The following SPECC1L variants were observed in gnomAD, a reference collection of about 807,000 sequenced individuals.
SPECC1L encodes the protein cytospin-A.
SPECC1L carries 40 observed loss-of-function variants against 116.8 expected under a neutral mutation model. The observed-to-expected ratio is 0.34, with a 90% CI of 0.27 to 0.45. The LOEUF (loss-of-function observed/expected upper bound fraction) is 0.45. Ranked by LOEUF, SPECC1L falls within the 20% of genes least tolerant of loss-of-function variation. The probability of loss-of-function intolerance (pLI) is 1.00; values close to 1 mark genes in which losing one functional copy is unlikely to be tolerated. For missense variants in SPECC1L, 1,110 were observed against 1,373.6 expected, an observed-to-expected ratio of 0.81 and a Z score of 3.03; for synonymous variants, 504 against 500.6, an observed-to-expected ratio of 1.01 and a Z score of -0.09.
chr22:24,291,797 T>G (rs1428021949), intron 2 of SPECC1L, among the ~76,000 whole-genome samples: 1 of 152,168 alleles, frequency 6.6e-6, no homozygotes, highest in Non-Finnish European at 1.5e-5. Flanking sequence ...TTCAGAGAGG[T>G]TAACTTACCC....
chr22:24,310,875 A>G (rs1161702068), intron 3 of SPECC1L, among the ~76,000 whole-genome samples: 1 of 152,152 alleles, frequency 6.6e-6, no homozygotes, highest in East Asian at 1.9e-4. Context: ...AGTCACATCG[A>G]TCAAGTCTTT....
intron 10 of SPECC1L, 27 bp from the exon 11 acceptor site, chr22:24,347,057 CTT>C (rs758005331): frequency 6.4e-7 from 1 of 1,563,648 alleles, no homozygotes; most frequent in East Asian, 2.2e-5. Context: ...GTCATTTTAA[CTT>C]TGATGTTGTT....
chr22:24,287,989 G>A (rs934569906), intron 2 of SPECC1L, among the ~76,000 whole-genome samples: 10 of 152,066 alleles, frequency 6.6e-5, no homozygotes, highest in African/African-American at 2.2e-4. Context: ...ATTTCATTCC[G>A]GGAGATCAGA....
At chr22:24,387,255 G>A (rs1275052229) in intron 14 of SPECC1L, among the ~76,000 whole-genome samples, 6 of 152,228 alleles carry the variant, frequency 3.9e-5, no homozygotes, top group African/African-American at 1.4e-4. Flanking sequence ...GCAGCAGCAT[G>A]GATGAATCTC....
At chr22:24,340,219 G>C (rs1047409892) in intron 10 of SPECC1L, among the ~76,000 whole-genome samples, 1 of 141,488 alleles carries the variant, frequency 7.1e-6, no homozygotes, top group Admixed American at 7.5e-5. Flanking sequence ...CATGATTTCG[G>C]CTCACTGCAA....
At chr22:24,326,254 T>C (rs2040819437) in intron 6 of SPECC1L, among the ~76,000 whole-genome samples, 1 of 152,258 alleles carries the variant, frequency 6.6e-6, no homozygotes, top group Admixed American at 6.5e-5. Context: ...ATGAAATATT[T>C]CTTGCATATA....
intron 3 of SPECC1L, among the ~76,000 whole-genome samples, chr22:24,305,849 C>T (rs1331315484): frequency 3.9e-5 from 6 of 152,024 alleles, no homozygotes; most frequent in Admixed American, 1.3e-4. Flanking sequence ...TAAGCACTCA[C>T]GGATGTATAA....
rs187177754 is a variant in SPECC1L, at chr22:24,384,482, T to C, written c.3087+15162T>C. The stretch of plus-strand genomic sequence containing the variant: ...ACTGCAGTGTAATAAAAATATCTTG[T>C]TTAAAGATATATGTAGCTTGAAAAT... On this transcript the variant is annotated intron_variant, in intron 14 of 16. Coordinates refer to ENST00000314328, the MANE Select transcript of SPECC1L (RefSeq NM_015330.6). Among the ~76,000 whole-genome samples, 69 of 152,336 alleles carry C rather than the reference T, an allele frequency of 4.5e-4. No homozygotes were observed. The East Asian group carries it at 0.013, about 29-fold the overall frequency.
chr22:24,279,708 G>A (rs943678986), intron 2 of SPECC1L, among the ~76,000 whole-genome samples: 2 of 151,920 alleles, frequency 1.3e-5, no homozygotes, highest in African/African-American at 4.8e-5. Context: ...TCAGCCTTCC[G>A]AGTAGCTGGG....
At chr22:24,393,177 G>T (rs1282601462) in intron 14 of SPECC1L, among the ~76,000 whole-genome samples, 1 of 152,256 alleles carries the variant, frequency 6.6e-6, no homozygotes, top group African/African-American at 2.4e-5. Context: ...AAATACTGCT[G>T]TGGTCATTTT....
intron 2 of SPECC1L, among the ~76,000 whole-genome samples, chr22:24,284,637 G>A (rs1386777847): frequency 6.6e-6 from 1 of 151,968 alleles, no homozygotes; most frequent in Non-Finnish European, 1.5e-5. Flanking sequence ...GGATTTCACC[G>A]CGTTAGCCAG....
chr22:24,299,452 A>C (rs2049332078), intron 2 of SPECC1L, among the ~76,000 whole-genome samples: 2 of 152,106 alleles, frequency 1.3e-5, no homozygotes, highest in Admixed American at 1.3e-4. Flanking sequence ...AACGGTGAAC[A>C]GGGGGTATTT....
At chr22:24,302,167 TCA>T in intron 2 of SPECC1L, 26 bp from the exon 3 acceptor site, 1 of 1,542,890 alleles carries the variant, frequency 6.5e-7, no homozygotes, top group Non-Finnish European at 8.9e-7. Context: ...AGTTATGTTC[TCA>T]GTGTAATGCC....
intron 9 of SPECC1L, among the ~76,000 whole-genome samples, chr22:24,336,033 G>GA (rs2041047567): frequency 6.6e-6 from 1 of 151,804 alleles, no homozygotes; most frequent in Non-Finnish European, 1.5e-5. Context: ...GCATTGTTTG[G>GA]AAAAATGGAA....
chr22:24,292,783 T>C (rs2049179206), intron 2 of SPECC1L, among the ~76,000 whole-genome samples: 1 of 152,162 alleles, frequency 6.6e-6, no homozygotes, highest in African/African-American at 2.4e-5. Flanking sequence ...TTCCTTTTTA[T>C]TGTAGATGAG....
chr22:24,366,170 G>A (rs140396034), intron 13 of SPECC1L, among the ~76,000 whole-genome samples: 4 of 149,178 alleles, frequency 2.7e-5, no homozygotes, highest in African/African-American at 1.0e-4. Context: ...AGATTGACTA[G>A]GCAGGGGATG....
intron 10 of SPECC1L, among the ~76,000 whole-genome samples, chr22:24,341,479 A>C (rs2041176080): frequency 1.3e-5 from 2 of 152,246 alleles, no homozygotes; most frequent in Admixed American, 6.5e-5. Context: ...CACACCTGAA[A>C]GTATCATAGA....
intron 1 of SPECC1L, among the ~76,000 whole-genome samples, chr22:24,274,733 A>G (rs1411698327): frequency 2.0e-5 from 3 of 152,198 alleles, no homozygotes; most frequent in African/African-American, 2.4e-5. Flanking sequence ...TCTGTTCACA[A>G]TCACTTTCCC....
intron 2 of SPECC1L, among the ~76,000 whole-genome samples, chr22:24,301,862 C>T (rs1486543227): frequency 6.6e-6 from 1 of 151,874 alleles, no homozygotes; most frequent in Non-Finnish European, 1.5e-5. Flanking sequence ...CTGGCTAACA[C>T]GGTGAAACCC....
Sources: gnomAD v4.1 joint callset for allele counts (sites outside exome capture counted in the v4.1 genomes callset) on GRCh38, gnomAD v4.1.1 for gene constraint, MANE v1.5 for transcripts, NCBI Gene and HGNC (gene_info 2026-07-23, HGNC 2026-07-21) for gene names.